The following ECPAS variants were observed in gnomAD, a reference collection of about 807,000 sequenced individuals.
The protein encoded by ECPAS is Ecm29 proteasome adaptor and scaffold, also known as proteasome adapter and scaffold protein ECM29.
In ECPAS, 70 loss-of-function variants were observed where a neutral mutation model predicts 255.1. The observed-to-expected ratio is 0.27, with a 90% confidence interval of 0.23 to 0.33. The LOEUF is 0.33. Among genes scored for constraint, ECPAS ranks in the 10% least tolerant of loss-of-function variants. The pLI is 1.00. For missense variants in ECPAS, 1,817 were observed against 2,206.4 expected (o/e 0.82, Z 3.54); for synonymous variants, 784 against 775.0 (o/e 1.01, Z -0.19).
rs368445128 is a variant in ECPAS, at chr9:111,397,082, C to T, written c.2724G>A (p.Val908=). The change falls in exon 25 of 50, where the codon GTG becomes GTA. Residue 908 remains valine, a synonymous_variant. Transcript: ENST00000684092. ...TCATTTGCCAGGCATCTCGGGCAGCCACAGAACTAGTTCCTATTGCAGCAC... is the reference window on the plus strand; with the variant it reads ...TCATTTGCCAGGCATCTCGGGCAGCTACAGAACTAGTTCCTATTGCAGCAC... ...ITSAAIGTSS[V]AARDAWQMTE... is the part of the protein sequence containing the mutation. 22 of 1,613,920 alleles carry T rather than the reference C, an allele frequency of 1.4e-5. No individual in the cohort carries two copies. Among genetic ancestry groups the T allele is most frequent in the Non-Finnish European group, 1.9e-5 (22 of 1,179,832 alleles).
At chr9:111,480,444 C>G (rs1416320476) in intron 1 of ECPAS, among the ~76,000 whole-genome samples, 1 of 151,736 alleles carries the variant, frequency 6.6e-6, no homozygotes, top group African/African-American at 2.4e-5. Flanking sequence ...ACTACAGGCA[C>G]GTGCCGCCAC....
intron 45 of ECPAS, among the ~76,000 whole-genome samples, chr9:111,369,741 T>TG (rs1564495375): frequency 1.2e-4 from 18 of 152,158 alleles, no homozygotes; most frequent in African/African-American, 4.3e-4. Flanking sequence ...ACCCTTTTTT[T>TG]TGGGGGGGGG....
chr9:111,388,529 T>C (rs1268535201), intron 31 of ECPAS, among the ~76,000 whole-genome samples: 3 of 151,174 alleles, frequency 2.0e-5, no homozygotes, highest in Non-Finnish European at 4.4e-5. Flanking sequence ...TTGTAAGACA[T>C]AGTAAGGATC....
chr9:111,420,026 G>T lies in ECPAS; in HGVS notation c.1550C>A (p.Ala517Glu). Residue 517 changes from alanine to glutamate, a missense_variant, in exon 16 of 50, where the codon GCA (alanine) becomes GAA (glutamate). Physicochemically the swap from Ala to Glu is moderately radical, Grantham distance 107. This residue lies in a region of ECPAS where 573 missense variants were observed against 716.2 expected (regional missense o/e 0.80). Coordinates refer to ENST00000684092, the MANE Select transcript of ECPAS (RefSeq NM_001364929.1). ...IPSRYLLLLA[A>E]GDPREEVHGE... Reference sequence around the variant, plus strand: ...ACCTTTTGAAACTTACGGATCTCCTGCAGCCAGTAGCAGCAAATATCTGGA... The same window carrying T: ...ACCTTTTGAAACTTACGGATCTCCTTCAGCCAGTAGCAGCAAATATCTGGA... The T allele has an allele frequency of 6.2e-7, 1 of 1,608,924 alleles. No homozygotes were observed. The highest frequency in any genetic ancestry group is 8.5e-7 in the Non-Finnish European group (1 of 1,175,906).
chr9:111,369,824 C>T (rs1358932902), intron 45 of ECPAS, among the ~76,000 whole-genome samples: 1 of 152,094 alleles, frequency 6.6e-6, no homozygotes, highest in Non-Finnish European at 1.5e-5. Context: ...GACCCAAATC[C>T]TCCACTATAT....
rs751687233 is a variant in ECPAS, at chr9:111,407,428, A to AAAAAAAAAAAAAAAAAAAAAAAAAG, written c.2652+1142_2652+1143insCTTTTTTTTTTTTTTTTTTTTTTTT. On this transcript the variant is annotated intron_variant, in intron 24 of 49. Coordinates refer to ENST00000684092, the MANE Select transcript of ECPAS (RefSeq NM_001364929.1). ...GAAAAAAAAAAAAAAAAAAAAAAAAAAAAAAAAAAACCTAGAAGAAACCCA... is the reference window on the plus strand; with the variant it reads ...GAAAAAAAAAAAAAAAAAAAAAAAAAAAAAAAAAAAAAAAAAAAAAAAAAGAAAAAAAAAACCTAGAAGAAACCCA... Among the ~76,000 whole-genome samples, 10 of 98,726 alleles carry AAAAAAAAAAAAAAAAAAAAAAAAAG rather than the reference A, an allele frequency of 1.0e-4. 1 individual carries two copies. Among genetic ancestry groups the AAAAAAAAAAAAAAAAAAAAAAAAAG allele is most frequent in the Non-Finnish European group, 2.1e-4 (8 of 38,762 alleles). 64.8% of individuals were successfully genotyped at this position (98,726 alleles called of 152,430 possible). A position where few individuals can be genotyped will look rare whatever the true frequency, so the allele number is the denominator to read the frequency against.
In ECPAS at chr9:111,373,209, G is replaced by A. The variant is rs1339594943; in HGVS notation, c.4297C>T (p.Leu1433Phe). ...RTSRDSSTEK[L>F]LQKLNGWYME... ...TACCACCCATTGAGCTTCTGCAGGA[G>A]TTTTTCAGTGCTGCTATCCCGTGAG... Residue 1433 changes from leucine to phenylalanine, a missense_variant, in exon 41 of 50, where the codon CTC becomes TTC. Coordinates refer to ENST00000684092, the MANE Select transcript of ECPAS (RefSeq NM_001364929.1). 1 of 1,613,746 alleles carries A rather than the reference G, an allele frequency of 6.2e-7. No individual in the cohort carries two copies.
chr9:111,483,626 C>G, intron 1 of ECPAS: 1 of 253,738 alleles, frequency 3.9e-6, no homozygotes, highest in Non-Finnish European at 6.1e-6. Flanking sequence ...CGGCAGGGGC[C>G]GCGAGCCGCC....
chr9:111,457,207 A>C (rs534315132), intron 2 of ECPAS, among the ~76,000 whole-genome samples: 122 of 152,360 alleles, frequency 8.0e-4, no homozygotes, highest in Middle Eastern at 3.4e-3. Context: ...TACAGGGTAG[A>C]GGAATCAGTG....
intron 9 of ECPAS, 104 bp from the exon 10 acceptor site, chr9:111,428,265 A>G (rs1476676570): frequency 2.7e-6 from 3 of 1,125,884 alleles, no homozygotes; most frequent in Non-Finnish European, 3.7e-6. Flanking sequence ...ACTTTGTTTC[A>G]AGATCCCTTT....
intron 6 of ECPAS, among the ~76,000 whole-genome samples, chr9:111,439,320 G>A (rs1228344576): frequency 6.6e-6 from 1 of 152,024 alleles, no homozygotes; most frequent in Non-Finnish European, 1.5e-5. Flanking sequence ...CCAGGTTGGA[G>A]TGCAGTGGCA....
chr9:111,463,630 C>T (rs1184057408), intron 2 of ECPAS, among the ~76,000 whole-genome samples: 4 of 151,988 alleles, frequency 2.6e-5, no homozygotes, highest in Admixed American at 6.6e-5. Flanking sequence ...ACAAAAGCAC[C>T]GGTCAGCAAA....
intron 5 of ECPAS, among the ~76,000 whole-genome samples, chr9:111,441,246 G>GTT (rs2098245609): frequency 6.6e-6 from 1 of 151,752 alleles, no homozygotes; most frequent in Admixed American, 6.6e-5. Flanking sequence ...GCTCACACCT[G>GTT]TAACCCCAGC....
chr9:111,403,533 T>C (rs1203551298), intron 24 of ECPAS, among the ~76,000 whole-genome samples: 1 of 149,762 alleles, frequency 6.7e-6, no homozygotes, highest in Non-Finnish European at 1.5e-5. Context: ...TACATAATGA[T>C]AAAGGGCTCA....
chr9:111,369,957 C>A (rs918087761), intron 45 of ECPAS, among the ~76,000 whole-genome samples: 1 of 152,168 alleles, frequency 6.6e-6, no homozygotes, highest in Non-Finnish European at 1.5e-5. Context: ...ACTACCAAAT[C>A]CACTCTCCCC....
intron 2 of ECPAS, among the ~76,000 whole-genome samples, chr9:111,460,617 T>C (rs143925278): frequency 6.6e-6 from 1 of 151,964 alleles, no homozygotes; most frequent in Non-Finnish European, 1.5e-5. Context: ...AATAACAAAA[T>C]ACACAAATCA....
chr9:111,469,939 AG>A (rs1220302890), intron 2 of ECPAS, among the ~76,000 whole-genome samples: 2 of 152,180 alleles, frequency 1.3e-5, no homozygotes, highest in African/African-American at 2.4e-5. Flanking sequence ...ACTTAAAAGG[AG>A]AATGTCAGGC....
intron 18 of ECPAS, among the ~76,000 whole-genome samples, chr9:111,415,211 CATT>C (rs1016373904): frequency 5.3e-5 from 8 of 149,906 alleles, no homozygotes; most frequent in Admixed American, 4.0e-4. Context: ...TAATAAAAAT[CATT>C]ATTTTTTAAA....
At chr9:111,429,558 C>T (rs562456065) in intron 9 of ECPAS, among the ~76,000 whole-genome samples, 4 of 152,316 alleles carry the variant, frequency 2.6e-5, no homozygotes, top group Admixed American at 2.6e-4. Flanking sequence ...TCAGCCAAAC[C>T]TTTCCTCCCC....
Sources: gnomAD v4.1 joint callset for allele counts (sites outside exome capture counted in the v4.1 genomes callset) on GRCh38, gnomAD v4.1.1 for gene constraint, gnomAD v4.1.1 regional missense constraint, MANE v1.5 for transcripts, NCBI Gene and HGNC (gene_info 2026-07-23, HGNC 2026-07-21) for gene names.